MFHAS1: variants seen among roughly 807,000 people sequenced by gnomAD.
The protein encoded by MFHAS1 is multifunctional ROCO family signaling regulator 1, also known as malignant fibrous histiocytoma-amplified sequence 1.
MFHAS1 carries 50 observed loss-of-function variants against 70.4 expected under a neutral mutation model. The observed-to-expected ratio is 0.71, with a 90% CI of 0.57 to 0.90. The LOEUF is 0.90. Ranked by LOEUF, MFHAS1 falls within the 40% of genes least tolerant of loss-of-function variation. MFHAS1 has a pLI of 0.00. For missense variants in MFHAS1, 1,795 were observed against 1,347.6 expected, an observed-to-expected ratio of 1.33 and a Z score of -5.20; for synonymous variants, 952 against 620.0, an observed-to-expected ratio of 1.54 and a Z score of -7.96.
At chr8:8,803,726 C>T (rs2117269426) in intron 1 of MFHAS1, among the ~76,000 whole-genome samples, 1 of 151,956 alleles carries the variant, frequency 6.6e-6, no homozygotes, top group Middle Eastern at 3.4e-3. Context: ...AATCCCAGCA[C>T]TTTGGGAGGC....
At chr8:8,841,845 C>A (rs750985130) in intron 1 of MFHAS1, among the ~76,000 whole-genome samples, 2 of 152,210 alleles carry the variant, frequency 1.3e-5, no homozygotes, top group Non-Finnish European at 2.9e-5. Flanking sequence ...CCTTATGTTG[C>A]TGCAGAATTT....
chr8:8,881,080 A>C (rs909136685), intron 1 of MFHAS1, among the ~76,000 whole-genome samples: 5 of 152,066 alleles, frequency 3.3e-5, no homozygotes, highest in African/African-American at 2.4e-5. Context: ...CTCTGCCCAC[A>C]TTCTTCTCCT....
chr8:8,859,486 T>C (rs1808580605), intron 1 of MFHAS1, among the ~76,000 whole-genome samples: 1 of 152,222 alleles, frequency 6.6e-6, no homozygotes, highest in Non-Finnish European at 1.5e-5. Context: ...GTGTGAACTG[T>C]GCTGGTCTAC....
rs10435715 is a variant in MFHAS1, at chr8:8,854,829, G to A, written c.2998+35232C>T. Among the ~76,000 whole-genome samples, 219 of 152,242 alleles carry A rather than the reference G, an allele frequency of 1.4e-3. 4 individuals carry two copies. The East Asian group carries it at 0.039, about 27-fold the overall frequency. ...ATGTATACATGAGACCCACCCATAA[G>A]CAACACTTTATTGTTTATCTGAAAT... On this transcript the variant is annotated intron_variant, in intron 1 of 2. Coordinates refer to ENST00000276282, the MANE Select transcript of MFHAS1 (RefSeq NM_004225.3).
chr8:8,869,457 C>T (rs1046249455), intron 1 of MFHAS1, among the ~76,000 whole-genome samples: 3 of 152,128 alleles, frequency 2.0e-5, no homozygotes, highest in Admixed American at 6.6e-5. Flanking sequence ...TGACAGGTTA[C>T]TAGATATTTA....
chr8:8,822,474 G>A (rs989708818), intron 1 of MFHAS1, among the ~76,000 whole-genome samples: 11 of 143,954 alleles, frequency 7.6e-5, no homozygotes, highest in South Asian at 7.6e-4. Flanking sequence ...GGGGGATTGA[G>A]ATGGAGACAG....
Position 8,890,484 on chromosome 8 carries a change from G to A in MFHAS1, c.2575C>T (p.Pro859Ser). ...KFPCYVQNEV[P>S]HAEAWINGTN... ...CCATTAATCCAGGCTTCTGCATGGG[G>A]CACCTCGTTCTGCACATAGCATGGG... The change falls in exon 1 of 3, where the codon CCC (proline) becomes TCC (serine). Residue 859 changes from proline to serine, a missense_variant. Coordinates refer to ENST00000276282, the MANE Select transcript of MFHAS1 (RefSeq NM_004225.3). The A allele has an allele frequency of 6.2e-7, 1 of 1,613,676 alleles. No homozygotes were observed. Among genetic ancestry groups the A allele is most frequent in the Middle Eastern group, 1.6e-4 (1 of 6,062 alleles).
intron 2 of MFHAS1, among the ~76,000 whole-genome samples, chr8:8,794,371 G>A (rs1379507195): frequency 2.0e-5 from 3 of 151,990 alleles, no homozygotes; most frequent in Non-Finnish European, 2.9e-5. Flanking sequence ...TATCCTAACC[G>A]ATCCCCCCAA....
At chr8:8,800,361 G>A (rs919816629) in intron 1 of MFHAS1, among the ~76,000 whole-genome samples, 1 of 152,214 alleles carries the variant, frequency 6.6e-6, no homozygotes, top group Non-Finnish European at 1.5e-5. Flanking sequence ...AAAAATGCAA[G>A]TTAAAAATGT....
At chr8:8,838,790 C>A (rs1319388192) in intron 1 of MFHAS1, among the ~76,000 whole-genome samples, 2 of 143,122 alleles carry the variant, frequency 1.4e-5, no homozygotes, top group African/African-American at 5.2e-5. Flanking sequence ...CCAGACTGAG[C>A]AACAGGGCGA....
rs142559689 is a variant in MFHAS1 at position 8,891,249 on chromosome 8, G to T, written c.1810C>A (p.Arg604=). The part of the protein sequence containing the change: ...AYYGVSDKNL[R]RRKAHFQYLL... ...TATTGAAAATGGGCCTTGCGCCGTC[G>T]AAGGTTCTTGTCCGAAACGCCATAG... Residue 604 remains arginine, a synonymous_variant, in exon 1 of 3, where the codon CGA becomes AGA. Coordinates refer to ENST00000276282, the MANE Select transcript of MFHAS1 (RefSeq NM_004225.3). This position sits in a 1 kb window ranked among gnomAD's most constrained non-coding sequence, Gnocchi z 5.4. 7 of 1,612,228 alleles carry T rather than the reference G, an allele frequency of 4.3e-6. No homozygotes were observed. Among genetic ancestry groups the T allele is most frequent in the Non-Finnish European group, 4.2e-6 (5 of 1,180,032 alleles).
rs190593935 is a variant in MFHAS1 at position 8,834,276 on chromosome 8, C to T, written c.2999-36785G>A. 1.1e-4 allele frequency among the ~76,000 whole-genome samples: 16 copies of T among 152,250 alleles called. No homozygotes were observed. The East Asian group carries it at 2.5e-3, about 24-fold the overall frequency. On this transcript the variant is annotated intron_variant, in intron 1 of 2. Coordinates refer to ENST00000276282, the MANE Select transcript of MFHAS1 (RefSeq NM_004225.3). ...TCCTATCACGGAGTGACATCATAGC[C>T]GCCATAACTCAATTTTTTAAAATAA...
intron 1 of MFHAS1, among the ~76,000 whole-genome samples, chr8:8,883,732 G>GA (rs1261294703): frequency 1.1e-5 from 1 of 88,450 alleles, no homozygotes; most frequent in Non-Finnish European, 2.3e-5. Flanking sequence ...AAAAAAAAAA[G>GA]AAAGGGCTCC....
intron 1 of MFHAS1, among the ~76,000 whole-genome samples, chr8:8,840,665 C>T (rs1014719808): frequency 1.3e-5 from 2 of 152,092 alleles, no homozygotes; most frequent in African/African-American, 4.8e-5. Context: ...TGGATGATCA[C>T]TTCTTCAACA....
intron 1 of MFHAS1, among the ~76,000 whole-genome samples, chr8:8,860,865 G>C (rs1268251183): frequency 6.6e-6 from 1 of 152,072 alleles, no homozygotes; most frequent in Non-Finnish European, 1.5e-5. Flanking sequence ...CATTTCTTCT[G>C]GGCTCATACG....
chr8:8,853,345 C>T (rs1346044710), intron 1 of MFHAS1, among the ~76,000 whole-genome samples: 1 of 151,798 alleles, frequency 6.6e-6, no homozygotes, highest in Non-Finnish European at 1.5e-5. Context: ...AAAGGAGCAA[C>T]CAGAAATAGC....
chr8:8,787,572 G>C (rs908558978), intron 2 of MFHAS1, among the ~76,000 whole-genome samples: 3 of 152,146 alleles, frequency 2.0e-5, no homozygotes, highest in Admixed American at 6.5e-5. Flanking sequence ...AGAATTTTTT[G>C]AATGCCTATT....
intron 1 of MFHAS1, among the ~76,000 whole-genome samples, chr8:8,843,642 T>G (rs1277216387): frequency 6.6e-6 from 1 of 152,052 alleles, no homozygotes; most frequent in Non-Finnish European, 1.5e-5. Context: ...CGGGGTCTGT[T>G]TGGGAGAGAA....
intron 1 of MFHAS1, among the ~76,000 whole-genome samples, chr8:8,874,611 C>A (rs911961525): frequency 6.6e-6 from 1 of 152,052 alleles, no homozygotes; most frequent in Non-Finnish European, 1.5e-5. Flanking sequence ...AATCTACCAT[C>A]CACATATGGA....
Sources: gnomAD v4.1 joint callset for allele counts (sites outside exome capture counted in the v4.1 genomes callset) on GRCh38, gnomAD v4.1.1 for gene constraint, Gnocchi (gnomAD v3.1) non-coding constraint, MANE v1.5 for transcripts, NCBI Gene and HGNC (gene_info 2026-07-23, HGNC 2026-07-21) for gene names.